CNTN5: variants seen among roughly 807,000 people sequenced by gnomAD.
CNTN5 encodes the protein contactin 5.
CNTN5 carries 77 observed loss-of-function variants against 129.1 expected under a neutral mutation model. The ratio of observed to expected loss-of-function variants is 0.60; its 90% CI spans 0.50 to 0.72. The LOEUF is 0.72. CNTN5 is among the 30% of genes least tolerant of loss of function. CNTN5 has a pLI of 0.00. For missense variants in CNTN5, 1,478 were observed against 1,328.8 expected (o/e 1.11, Z -1.75); for synonymous variants, 509 against 465.6 (o/e 1.09, Z -1.20).
intron 8 of CNTN5, among the ~76,000 whole-genome samples, chr11:99,975,137 G>T (rs186596238): frequency 1.1e-3 from 163 of 152,218 alleles, no homozygotes; most frequent in Admixed American, 2.8e-3. Context: ...AGCTTTTAGA[G>T]AATTGGAAAT....
At chr11:100,108,835 G>T (rs1945546274) in intron 13 of CNTN5, among the ~76,000 whole-genome samples, 1 of 151,712 alleles carries the variant, frequency 6.6e-6, no homozygotes, top group Non-Finnish European at 1.5e-5. Context: ...ATATATCAAA[G>T]TTCAATAATG....
intron 17 of CNTN5, among the ~76,000 whole-genome samples, chr11:100,261,829 T>TAAAACCATAAAAACCCTG (rs1477288812): frequency 2.6e-5 from 4 of 152,102 alleles, no homozygotes; most frequent in Non-Finnish European, 5.9e-5. Context: ...ACGTAAGACC[T>TAAAACCATAAAAACCCTG]AAAACCATAA....
intron 21 of CNTN5, chr11:100,309,345 T>G: frequency 1.0e-6 from 1 of 982,980 alleles, no homozygotes; most frequent in Non-Finnish European, 1.2e-6. Context: ...TTAATTCTAT[T>G]TGAGTTTTCA....
chr11:99,630,047 TG>T (rs1951281898), intron 3 of CNTN5, among the ~76,000 whole-genome samples: 1 of 151,796 alleles, frequency 6.6e-6, no homozygotes, highest in African/African-American at 2.4e-5. Flanking sequence ...ACAAAACAAT[TG>T]GTAACTCCCA....
intron 1 of CNTN5, among the ~76,000 whole-genome samples, chr11:99,038,735 C>CA (rs11394106): frequency 0.33 from 49,676 of 151,566 alleles, 9,381 homozygotes; most frequent in East Asian, 0.56. Flanking sequence ...ATACTTAACA[C>CA]AAAAAGAAGG....
At chr11:99,041,261 C>T (rs1171154715) in intron 1 of CNTN5, among the ~76,000 whole-genome samples, 1 of 152,080 alleles carries the variant, frequency 6.6e-6, no homozygotes, top group Admixed American at 6.6e-5. Context: ...CATTTATTCT[C>T]TCCTCAAGGC....
At chr11:99,461,514 A>T (rs1944697369) in intron 2 of CNTN5, among the ~76,000 whole-genome samples, 1 of 152,164 alleles carries the variant, frequency 6.6e-6, no homozygotes, top group East Asian at 1.9e-4. Context: ...TACCCTTGGA[A>T]TTCCTTGAAA....
At chr11:99,203,510 C>A (rs972888499) in intron 1 of CNTN5, among the ~76,000 whole-genome samples, 7 of 151,868 alleles carry the variant, frequency 4.6e-5, no homozygotes, top group African/African-American at 1.7e-4. Context: ...TACAGTAAAT[C>A]CTTTGTATGT....
intron 1 of CNTN5, among the ~76,000 whole-genome samples, chr11:99,117,719 G>A (rs992904804): frequency 6.6e-6 from 1 of 152,130 alleles, no homozygotes; most frequent in African/African-American, 2.4e-5. Flanking sequence ...CATGATGGGA[G>A]TAGTGTCCTT....
At chr11:99,889,207 C>G (rs947959692) in intron 6 of CNTN5, among the ~76,000 whole-genome samples, 3 of 151,740 alleles carry the variant, frequency 2.0e-5, no homozygotes, top group African/African-American at 7.3e-5. Flanking sequence ...TCATAACCTG[C>G]ATATATTACA....
Position 99,576,580 on chromosome 11 carries a change from T to C in CNTN5, c.55+20311T>C, listed in dbSNP as rs149769452. Among the ~76,000 whole-genome samples the C allele has an allele frequency of 4.4e-3, 675 of 152,272 alleles. 3 individuals carry two copies. Among genetic ancestry groups the C allele is most frequent in the South Asian group, 5.8e-3 (28 of 4,828 alleles). On this transcript the variant is annotated intron_variant, in intron 3 of 24. Coordinates refer to ENST00000524871, the MANE Select transcript of CNTN5 (RefSeq NM_014361.4). ...AAGGCAACCCTTCAGTCTTAATTCA[T>C]AGAGGTAACAGACTCTCTTAATCCA...
intron 21 of CNTN5, 25 bp downstream of exon 21, chr11:100,308,493 A>C: frequency 6.3e-7 from 1 of 1,596,904 alleles, no homozygotes; most frequent in East Asian, 2.2e-5. Context: ...ATTGAAAATA[A>C]GCCTTATTGT....
intron 16 of CNTN5, among the ~76,000 whole-genome samples, chr11:100,232,277 G>C (rs543566199): frequency 1.3e-5 from 2 of 152,302 alleles, no homozygotes; most frequent in South Asian, 2.1e-4. Context: ...TGAAGTTGCT[G>C]TCAGAGACCA....
intron 13 of CNTN5, among the ~76,000 whole-genome samples, chr11:100,156,663 T>G (rs1947253742): frequency 6.6e-6 from 1 of 150,904 alleles, no homozygotes; most frequent in African/African-American, 2.4e-5. Context: ...GCTATTAATT[T>G]CAGAACTTGT....
chr11:99,719,794 A>C (rs1943105716), intron 3 of CNTN5, among the ~76,000 whole-genome samples: 1 of 152,110 alleles, frequency 6.6e-6, no homozygotes, highest in Admixed American at 6.5e-5. Flanking sequence ...AAACTAATTG[A>C]AAAGAAAAGA....
chr11:99,480,887 A>C (rs1473258663), intron 2 of CNTN5, among the ~76,000 whole-genome samples: 1 of 152,134 alleles, frequency 6.6e-6, no homozygotes, highest in Non-Finnish European at 1.5e-5. Flanking sequence ...AGAATGTTCT[A>C]TGGAAAGAAG....
chr11:99,134,090 A>G (rs971003725), intron 1 of CNTN5, among the ~76,000 whole-genome samples: 10 of 152,210 alleles, frequency 6.6e-5, no homozygotes, highest in African/African-American at 1.9e-4. Context: ...GAATGAAATC[A>G]TATCTTTTGC....
At chr11:99,124,740 A>G (rs61055174) in intron 1 of CNTN5, among the ~76,000 whole-genome samples, 9,372 of 152,074 alleles carry the variant, frequency 0.062, 316 homozygotes, top group African/African-American at 0.085. Flanking sequence ...GAAAAAAAAG[A>G]GGCATGTTCC....
At chr11:99,035,395 G>A (rs1352218361) in intron 1 of CNTN5, among the ~76,000 whole-genome samples, 5 of 152,196 alleles carry the variant, frequency 3.3e-5, no homozygotes, top group South Asian at 2.1e-4. Flanking sequence ...CTGTTAATGC[G>A]TGGGAGTCTA....
Sources: gnomAD v4.1 joint callset for allele counts (sites outside exome capture counted in the v4.1 genomes callset) on GRCh38, gnomAD v4.1.1 for gene constraint, MANE v1.5 for transcripts, NCBI Gene and HGNC (gene_info 2026-07-23, HGNC 2026-07-21) for gene names.